CHST8: variants seen among roughly 807,000 people sequenced by gnomAD.
CHST8 encodes the protein carbohydrate sulfotransferase 8.
A neutral mutation model predicts 15.0 loss-of-function variants in CHST8; 10 were observed. The ratio of observed to expected loss-of-function variants is 0.67; its 90% CI spans 0.41 to 1.13. The LOEUF is 1.13. Among genes scored for constraint, CHST8 ranks in the 50% most tolerant of loss-of-function variants. The pLI is 0.00. For synonymous variants in CHST8, 259 were observed against 256.6 expected (o/e 1.01, Z -0.09); for missense variants, 634 against 608.2 (o/e 1.04, Z -0.45).
At chr19:33,734,697 C>T (rs998084148) in intron 3 of CHST8, among the ~76,000 whole-genome samples, 6 of 152,106 alleles carry the variant, frequency 3.9e-5, no homozygotes, top group Non-Finnish European at 7.4e-5. Flanking sequence ...AGGGGCATCA[C>T]GAGTGGGGTC....
chr19:33,635,609 T>C (rs1415680653), intron 1 of CHST8, among the ~76,000 whole-genome samples: 3 of 151,700 alleles, frequency 2.0e-5, no homozygotes, highest in Non-Finnish European at 2.9e-5. Flanking sequence ...CAAAGATGGG[T>C]GGGGGGGTGA....
intron 1 of CHST8, among the ~76,000 whole-genome samples, chr19:33,624,585 C>CT (rs1424345825): frequency 3.3e-5 from 5 of 152,232 alleles, no homozygotes; most frequent in South Asian, 2.1e-4. Flanking sequence ...TCAAAAACGA[C>CT]TTTTTTGCCG....
intron 2 of CHST8, among the ~76,000 whole-genome samples, chr19:33,679,569 T>C (rs1277234311): frequency 4.6e-5 from 7 of 152,244 alleles, no homozygotes. Context: ...GCAGCCAAAC[T>C]TTCTGCGTGT....
chr19:33,751,589 C>A (rs538031800), intron 3 of CHST8, among the ~76,000 whole-genome samples: 6 of 152,264 alleles, frequency 3.9e-5, no homozygotes, highest in Admixed American at 3.3e-4. Context: ...GTTCTGTGAA[C>A]CCCCCAGCCT....
chr19:33,689,768 C>T (rs1444946188), intron 3 of CHST8, among the ~76,000 whole-genome samples: 4 of 152,210 alleles, frequency 2.6e-5, no homozygotes, highest in Admixed American at 1.3e-4. Context: ...GCCCATGCCC[C>T]ACAAGCAAGA....
At chr19:33,763,848 A>G (rs967116380) in intron 3 of CHST8, among the ~76,000 whole-genome samples, 1 of 152,254 alleles carries the variant, frequency 6.6e-6, no homozygotes, top group Non-Finnish European at 1.5e-5. Context: ...TGGAGACCTC[A>G]CAAGGGCAGA....
At chr19:33,759,465 G>A (rs567908241) in intron 3 of CHST8, among the ~76,000 whole-genome samples, 61 of 152,238 alleles carry the variant, frequency 4.0e-4, no homozygotes, top group Non-Finnish European at 7.6e-4. Context: ...ATCCCGGTGG[G>A]CCCAGAAAAT....
At chr19:33,697,483 C>T (rs187539075) in intron 3 of CHST8, among the ~76,000 whole-genome samples, 24 of 152,294 alleles carry the variant, frequency 1.6e-4, no homozygotes, top group African/African-American at 4.3e-4. Flanking sequence ...CCACCTGCCT[C>T]GTGCTCCCAA....
At chr19:33,639,385 A>G (rs566525116) in intron 1 of CHST8, among the ~76,000 whole-genome samples, 14 of 152,244 alleles carry the variant, frequency 9.2e-5, no homozygotes, top group African/African-American at 3.4e-4. Flanking sequence ...GGGGCATGGC[A>G]CTGGGATGGT....
intron 3 of CHST8, among the ~76,000 whole-genome samples, chr19:33,749,507 A>G (rs901406395): frequency 3.0e-4 from 43 of 144,758 alleles, no homozygotes; most frequent in African/African-American, 1.1e-3. Flanking sequence ...GGCCGATGCT[A>G]TGAGCTCTTC....
intron 3 of CHST8, among the ~76,000 whole-genome samples, chr19:33,702,819 G>A (rs577857579): frequency 4.6e-5 from 7 of 152,338 alleles, no homozygotes; most frequent in South Asian, 4.1e-4. Context: ...TGGAGGGACC[G>A]GGGGAGGAGG....
intron 1 of CHST8, among the ~76,000 whole-genome samples, chr19:33,632,155 T>C (rs1416470411): frequency 1.3e-5 from 2 of 151,284 alleles, no homozygotes; most frequent in African/African-American, 2.4e-5. Context: ...TTTTTTTTTT[T>C]TCCAGACAGG....
At chr19:33,766,929 C>T (rs1380706225) in intron 3 of CHST8, among the ~76,000 whole-genome samples, 1 of 152,250 alleles carries the variant, frequency 6.6e-6, no homozygotes, top group Non-Finnish European at 1.5e-5. Flanking sequence ...CCCAAAAGAC[C>T]AAGAAGCACG....
At chr19:33,684,149 G>A (rs1045015809) in intron 2 of CHST8, among the ~76,000 whole-genome samples, 12 of 152,214 alleles carry the variant, frequency 7.9e-5, no homozygotes, top group Non-Finnish European at 1.6e-4. Context: ...GGGAGGCCGG[G>A]CTGTGGTGCT....
intron 3 of CHST8, among the ~76,000 whole-genome samples, chr19:33,753,324 C>G (rs1974456803): frequency 1.3e-5 from 2 of 151,634 alleles, no homozygotes. Flanking sequence ...TTCAGGACTT[C>G]TAACACCACC....
In CHST8 at chr19:33,773,367, C is replaced by CG. The variant is rs530621650; in HGVS notation, c.*310dup. On this transcript the variant is annotated 3_prime_UTR_variant, in exon 5 of 5. Coordinates refer to ENST00000650847, the MANE Select transcript of CHST8 (RefSeq NM_001127895.2). ...GCAGGGAAGTCTGAGGCCCAGAGGA[C>CG]GGGGGGCCCAGCGGTAAGGGATGTC... 58 of 421,916 alleles carry CG rather than the reference C, an allele frequency of 1.4e-4. 1 individual carries two copies. The Admixed American group carries it at 1.6e-3, about 12-fold the overall frequency. 26.1% of individuals were successfully genotyped at this position (421,916 alleles called of 1,614,324 possible). A position where few individuals can be genotyped will look rare whatever the true frequency, so the allele number is the denominator to read the frequency against.
intron 1 of CHST8, 146 bp downstream of exon 1, chr19:33,622,442 G>A (rs1162430549): frequency 6.6e-6 from 1 of 152,284 alleles, no homozygotes; most frequent in Admixed American, 6.5e-5. Flanking sequence ...GTCCGAAGCT[G>A]CGGGCGGAGG....
At chr19:33,706,156 A>G (rs1371349522) in intron 3 of CHST8, among the ~76,000 whole-genome samples, 1 of 152,190 alleles carries the variant, frequency 6.6e-6, no homozygotes, top group Non-Finnish European at 1.5e-5. Context: ...ACAACCACTC[A>G]GGGCTGGGAG....
At chr19:33,634,982 G>A (rs1189225993) in intron 1 of CHST8, among the ~76,000 whole-genome samples, 1 of 152,058 alleles carries the variant, frequency 6.6e-6, no homozygotes, top group Non-Finnish European at 1.5e-5. Context: ...CAGCAGCCTT[G>A]CTCACCCCCA....
Sources: allele counts gnomAD v4.1 joint callset (sites outside exome capture counted in the v4.1 genomes callset), GRCh38; gene constraint gnomAD v4.1.1; transcripts MANE v1.5; gene names NCBI Gene and HGNC (gene_info 2026-07-23, HGNC 2026-07-21).